Variants in RIMS1 observed in about 807,000 individuals in gnomAD.
RIMS1 encodes the protein regulating synaptic membrane exocytosis protein 1.
RIMS1 carries 83 observed loss-of-function variants against 214.1 expected under a neutral mutation model. The ratio of observed to expected loss-of-function variants is 0.39; its 90% CI spans 0.32 to 0.47. The LOEUF (loss-of-function observed/expected upper bound fraction) is 0.47, where lower values mean the gene tolerates loss of function less well. RIMS1 is among the 20% of genes least tolerant of loss of function. RIMS1 has a pLI of 0.99. For missense variants in RIMS1, 2,050 were observed against 2,161.8 expected, an observed-to-expected ratio of 0.95 and a Z score of 1.03; for synonymous variants, 793 against 786.8, an observed-to-expected ratio of 1.01 and a Z score of -0.13.
intron 9 of RIMS1, among the ~76,000 whole-genome samples, chr6:72,239,904 C>T (rs2154105608): frequency 6.6e-6 from 1 of 151,130 alleles, no homozygotes; most frequent in Non-Finnish European, 1.5e-5. Context: ...TTTTCTACCA[C>T]TCCTGTTGAA....
At chr6:72,007,623 C>A (rs1808329807) in intron 2 of RIMS1, among the ~76,000 whole-genome samples, 1 of 152,128 alleles carries the variant, frequency 6.6e-6, no homozygotes, top group African/African-American at 2.4e-5. Context: ...GCAAAGAAGT[C>A]CTTAAAGGAC....
intron 16 of RIMS1, 99 bp from the exon 17 acceptor site, chr6:72,258,026 T>C: frequency 4.6e-6 from 5 of 1,082,496 alleles, no homozygotes; most frequent in Non-Finnish European, 5.4e-6. Context: ...TTATTCTTCA[T>C]AGATCAATGG....
At chr6:72,222,098 C>T (rs1322154420) in intron 6 of RIMS1, among the ~76,000 whole-genome samples, 3 of 151,942 alleles carry the variant, frequency 2.0e-5, no homozygotes, top group East Asian at 1.9e-4. Context: ...GACTTTTTAA[C>T]ATTACTGAAA....
At chr6:72,389,116 C>CA (rs1258326314) in intron 29 of RIMS1, among the ~76,000 whole-genome samples, 1 of 152,020 alleles carries the variant, frequency 6.6e-6, no homozygotes, top group Non-Finnish European at 1.5e-5. Flanking sequence ...CTAAAAATCT[C>CA]AAAGAGGAAA....
chr6:72,061,866 G>GT (rs1827958723), intron 2 of RIMS1, among the ~76,000 whole-genome samples: 1 of 152,146 alleles, frequency 6.6e-6, no homozygotes, highest in Non-Finnish European at 1.5e-5. Context: ...ATCTTTAATT[G>GT]TTTTTAAAGA....
chr6:72,188,371 A>G (rs1485452592), intron 6 of RIMS1, among the ~76,000 whole-genome samples: 2 of 152,260 alleles, frequency 1.3e-5, no homozygotes, highest in Non-Finnish European at 2.9e-5. Context: ...TATCCTTCGT[A>G]CAACCAGAAA....
chr6:72,351,087 A>G (rs2097430200), intron 29 of RIMS1, among the ~76,000 whole-genome samples: 1 of 152,148 alleles, frequency 6.6e-6, no homozygotes, highest in African/African-American at 2.4e-5. Context: ...ATATTTATAT[A>G]CATGGTATAT....
intron 2 of RIMS1, among the ~76,000 whole-genome samples, chr6:72,084,210 T>C (rs1162729927): frequency 6.6e-6 from 1 of 152,178 alleles, no homozygotes; most frequent in Non-Finnish European, 1.5e-5. Context: ...AAAGTTTGCA[T>C]GGAGTATGAT....
At chr6:72,342,209 T>C (rs572995579) in intron 29 of RIMS1, among the ~76,000 whole-genome samples, 3 of 151,990 alleles carry the variant, frequency 2.0e-5, no homozygotes, top group Admixed American at 2.0e-4. Flanking sequence ...GTCAACTTGC[T>C]GCCCACTCCA....
chr6:72,385,169 G>A (rs2098565363), intron 29 of RIMS1, among the ~76,000 whole-genome samples: 1 of 152,128 alleles, frequency 6.6e-6, no homozygotes, highest in African/African-American at 2.4e-5. Context: ...GTCATAATTT[G>A]TAGTAGACTT....
At chr6:72,108,581 C>A (rs908660050) in intron 4 of RIMS1, among the ~76,000 whole-genome samples, 2 of 152,150 alleles carry the variant, frequency 1.3e-5, no homozygotes, top group Non-Finnish European at 2.9e-5. Flanking sequence ...TATCCTCCTG[C>A]CCTCACTGTG....
chr6:71,926,336 C>T (rs1363370008), intron 1 of RIMS1, among the ~76,000 whole-genome samples: 3 of 152,222 alleles, frequency 2.0e-5, no homozygotes, highest in Admixed American at 6.5e-5. Flanking sequence ...TAGATATGAA[C>T]TTTGAATTGC....
At chr6:72,001,407 T>C (rs1805203088) in intron 2 of RIMS1, among the ~76,000 whole-genome samples, 1 of 152,214 alleles carries the variant, frequency 6.6e-6, no homozygotes, top group African/African-American at 2.4e-5. Flanking sequence ...TGGCATTTTG[T>C]TCTCTATGAT....
chr6:72,100,233 T>G (rs1436217685), intron 4 of RIMS1, among the ~76,000 whole-genome samples: 1 of 152,062 alleles, frequency 6.6e-6, no homozygotes, highest in Non-Finnish European at 1.5e-5. Flanking sequence ...TTTATATCAT[T>G]GCAAGCTCAT....
chr6:72,381,141 T>A (rs759755606), intron 29 of RIMS1, among the ~76,000 whole-genome samples: 1 of 152,200 alleles, frequency 6.6e-6, no homozygotes, highest in African/African-American at 2.4e-5. Context: ...TCTGAGGCTC[T>A]CTCCTTGGCT....
intron 4 of RIMS1, among the ~76,000 whole-genome samples, chr6:72,173,814 G>A (rs1213649362): frequency 1.3e-5 from 2 of 152,118 alleles, no homozygotes; most frequent in Non-Finnish European, 2.9e-5. Flanking sequence ...ATTGGGGTGT[G>A]TGTTTGTGTG....
chr6:72,079,721 A>G (rs1832804390), intron 2 of RIMS1, among the ~76,000 whole-genome samples: 1 of 150,512 alleles, frequency 6.6e-6, no homozygotes, highest in Admixed American at 6.6e-5. Context: ...CTGTATCTAC[A>G]AAAAAATTTA....
chr6:72,092,291 C>CCCTTCCTTCCTT (rs1554220983), intron 2 of RIMS1, among the ~76,000 whole-genome samples: 21,535 of 108,224 alleles, frequency 0.2, 2,958 homozygotes, highest in Non-Finnish European at 0.26. Flanking sequence ...CTCCCTCCCT[C>CCCTTCCTTCCTT]CCTTCCTTCC....
intron 2 of RIMS1, among the ~76,000 whole-genome samples, chr6:72,018,465 G>A (rs1014278472): frequency 2.0e-5 from 3 of 152,056 alleles, no homozygotes; most frequent in African/African-American, 7.2e-5. Context: ...TAAATCTGAG[G>A]TGCCTATTAG....
Sources: gnomAD v4.1 joint callset for allele counts (sites outside exome capture counted in the v4.1 genomes callset) on GRCh38, gnomAD v4.1.1 for gene constraint, MANE v1.5 for transcripts, NCBI Gene and HGNC (gene_info 2026-07-23, HGNC 2026-07-21) for gene names.